The following NKAIN2 variants were observed in gnomAD, a reference collection of about 807,000 sequenced individuals.
The protein encoded by NKAIN2 is sodium/potassium-transporting ATPase subunit beta-1-interacting protein 2.
NKAIN2 carries 14 observed loss-of-function variants against 32.6 expected under a neutral mutation model. The observed-to-expected ratio is 0.43, with a 90% CI of 0.28 to 0.67. The LOEUF (loss-of-function observed/expected upper bound fraction) is 0.67, where lower values mean the gene tolerates loss of function less well. NKAIN2 is among the 30% of genes least tolerant of loss of function. NKAIN2 has a pLI of 0.17. For synonymous variants in NKAIN2, 80 were observed against 87.2 expected, an observed-to-expected ratio of 0.92 and a Z score of 0.46; for missense variants, 198 against 258.3, an observed-to-expected ratio of 0.77 and a Z score of 1.60.
intron 1 of NKAIN2, among the ~76,000 whole-genome samples, chr6:123,997,399 T>C (rs1179463170): frequency 1.3e-5 from 2 of 152,072 alleles, no homozygotes; most frequent in East Asian, 3.9e-4. Flanking sequence ...CTTATAACGT[T>C]CAAGTGGCCT....
intron 1 of NKAIN2, among the ~76,000 whole-genome samples, chr6:123,945,998 A>G (rs570928820): frequency 7.9e-5 from 12 of 152,116 alleles, no homozygotes; most frequent in East Asian, 1.9e-4. Flanking sequence ...CCTTATGTCA[A>G]TATCAAGTTC....
At chr6:124,706,984 TC>T (rs1192718507) in intron 4 of NKAIN2, among the ~76,000 whole-genome samples, 5 of 134,748 alleles carry the variant, frequency 3.7e-5, no homozygotes, top group South Asian at 5.7e-4. Context: ...ATGCTATCCG[TC>T]CCCCCTCCCC....
intron 3 of NKAIN2, among the ~76,000 whole-genome samples, chr6:124,527,936 G>A (rs557806639): frequency 2.6e-5 from 4 of 152,302 alleles, no homozygotes; most frequent in African/African-American, 9.6e-5. Context: ...GGTATACTTG[G>A]CACCTAGAAC....
At chr6:123,966,058 C>G (rs991133612) in intron 1 of NKAIN2, among the ~76,000 whole-genome samples, 6 of 152,094 alleles carry the variant, frequency 3.9e-5, no homozygotes, top group African/African-American at 1.4e-4. Context: ...TTGGTGACAC[C>G]CACTGGACAG....
At position 124,373,227 on chromosome 6, in the gene NKAIN2, A is replaced by G. The variant is rs184977285; in HGVS notation, c.273+17880A>G. Among the ~76,000 whole-genome samples the G allele has an allele frequency of 8.5e-3, 1,287 of 152,240 alleles. 9 individuals carry two copies. The highest frequency in any genetic ancestry group is 0.013 in the Non-Finnish European group (908 of 68,002). On this transcript the variant is annotated intron_variant, in intron 3 of 6. Transcript: ENST00000368417. ...GCTACAAGATTTGCTAATGTCATGG[A>G]TGCAGGGTGTAGGAAGGGAGTGATC...
intron 1 of NKAIN2, among the ~76,000 whole-genome samples, chr6:124,170,492 A>G (rs532296570): frequency 6.6e-6 from 1 of 152,344 alleles, no homozygotes; most frequent in South Asian, 2.1e-4. Context: ...TGTCAAGACA[A>G]AATCATTAAA....
chr6:124,042,376 A>C (rs1781909487), intron 1 of NKAIN2, among the ~76,000 whole-genome samples: 2 of 152,102 alleles, frequency 1.3e-5, no homozygotes, highest in Non-Finnish European at 2.9e-5. Flanking sequence ...CTGAAGCTCT[A>C]GAGCACATGG....
At chr6:123,942,010 C>G (rs1776849673) in intron 1 of NKAIN2, among the ~76,000 whole-genome samples, 1 of 151,882 alleles carries the variant, frequency 6.6e-6, no homozygotes, top group Non-Finnish European at 1.5e-5. Flanking sequence ...ATGTAGCACT[C>G]TAAAGATGCA....
chr6:124,420,823 T>C (rs527715247), intron 3 of NKAIN2, among the ~76,000 whole-genome samples: 1 of 152,208 alleles, frequency 6.6e-6, no homozygotes, highest in Admixed American at 6.5e-5. Context: ...TTCCATAAGA[T>C]ATAATTATTT....
intron 1 of NKAIN2, among the ~76,000 whole-genome samples, chr6:123,812,632 A>C (rs186534604): frequency 6.6e-6 from 1 of 152,348 alleles, no homozygotes; most frequent in African/African-American, 2.4e-5. Context: ...CATTTGCAGA[A>C]GCACTTTCGT....
intron 4 of NKAIN2, among the ~76,000 whole-genome samples, chr6:124,690,290 T>C (rs1774196035): frequency 6.6e-6 from 1 of 152,170 alleles, no homozygotes; most frequent in African/African-American, 2.4e-5. Context: ...TTCTGTTTAT[T>C]AATCTTATAT....
intron 3 of NKAIN2, among the ~76,000 whole-genome samples, chr6:124,500,078 C>G (rs553671565): frequency 4.3e-4 from 65 of 152,320 alleles, no homozygotes; most frequent in African/African-American, 1.5e-3. Flanking sequence ...ACCAAATATA[C>G]TGTAGCCTAT....
intron 2 of NKAIN2, among the ~76,000 whole-genome samples, chr6:124,347,801 C>T (rs1234517029): frequency 2.0e-5 from 3 of 152,150 alleles, no homozygotes; most frequent in African/African-American, 7.2e-5. Flanking sequence ...TAGCTCGGAG[C>T]AGTTTGATCA....
At chr6:124,349,967 A>T (rs1345127409) in intron 2 of NKAIN2, among the ~76,000 whole-genome samples, 1 of 152,216 alleles carries the variant, frequency 6.6e-6, no homozygotes, top group Non-Finnish European at 1.5e-5. Context: ...GAATTTTATC[A>T]TACAATAGAA....
At chr6:124,715,664 A>G (rs1775719603) in intron 4 of NKAIN2, among the ~76,000 whole-genome samples, 3 of 152,240 alleles carry the variant, frequency 2.0e-5, no homozygotes, top group Admixed American at 2.0e-4. Flanking sequence ...TAGCAGCTGC[A>G]GAAGACCATG....
At chr6:123,933,291 T>G (rs936089996) in intron 1 of NKAIN2, among the ~76,000 whole-genome samples, 1 of 152,234 alleles carries the variant, frequency 6.6e-6, no homozygotes, top group Non-Finnish European at 1.5e-5. Flanking sequence ...TGTTAACATA[T>G]ATTTTACTGT....
intron 1 of NKAIN2, among the ~76,000 whole-genome samples, chr6:124,183,877 A>T (rs191565019): frequency 6.6e-6 from 1 of 152,162 alleles, no homozygotes; most frequent in Non-Finnish European, 1.5e-5. Flanking sequence ...ATGATTTTTT[A>T]AAATGCGTTT....
chr6:124,418,342 G>A (rs547828281), intron 3 of NKAIN2, among the ~76,000 whole-genome samples: 3 of 151,922 alleles, frequency 2.0e-5, no homozygotes. Context: ...ATATTTTGTT[G>A]TATGACATAG....
chr6:124,685,737 T>C (rs1235663428), intron 4 of NKAIN2, among the ~76,000 whole-genome samples: 2 of 152,208 alleles, frequency 1.3e-5, no homozygotes, highest in African/African-American at 2.4e-5. Context: ...AGACTCAGAA[T>C]GATAAAAATA....
Sources: allele counts gnomAD v4.1 joint callset (sites outside exome capture counted in the v4.1 genomes callset), GRCh38; gene constraint gnomAD v4.1.1; transcripts MANE v1.5; gene names NCBI Gene and HGNC (gene_info 2026-07-23, HGNC 2026-07-21).